The following MYLK variants were observed in gnomAD, a reference collection of about 807,000 sequenced individuals.
MYLK encodes the protein myosin light chain kinase, smooth muscle.
In MYLK, 106 loss-of-function variants were observed where a neutral mutation model predicts 203.4. The ratio of observed to expected loss-of-function variants is 0.52; its 90% CI spans 0.45 to 0.61. The LOEUF is 0.61. Ranked by LOEUF, MYLK falls within the 20% of genes least tolerant of loss-of-function variation. MYLK has a pLI of 0.00. For synonymous variants in MYLK, 867 were observed against 959.5 expected (o/e 0.90, Z 1.78); for missense variants, 2,072 against 2,442.3 (o/e 0.85, Z 3.20).
chr3:123,874,776 C>T (rs1476924202), intron 2 of MYLK, among the ~76,000 whole-genome samples: 2 of 152,016 alleles, frequency 1.3e-5, no homozygotes, highest in Non-Finnish European at 2.9e-5. Flanking sequence ...ATAAAGAGCT[C>T]TCAAATCTAA....
At chr3:123,685,882 G>A (rs2060434994) in intron 19 of MYLK, among the ~76,000 whole-genome samples, 1 of 152,098 alleles carries the variant, frequency 6.6e-6, no homozygotes, top group Admixed American at 6.5e-5. Context: ...TGGCCATGAG[G>A]AAAGGGGCTG....
At chr3:123,825,418 G>C (rs1031479718) in intron 3 of MYLK, among the ~76,000 whole-genome samples, 24 of 152,244 alleles carry the variant, frequency 1.6e-4, no homozygotes, top group African/African-American at 5.8e-4. Context: ...GCAAGGAAAA[G>C]ATAAGCAGAA....
intron 22 of MYLK, among the ~76,000 whole-genome samples, chr3:123,664,848 C>CA (rs1022332298): frequency 6.6e-6 from 1 of 151,864 alleles, no homozygotes. Context: ...TATGCTAAGT[C>CA]AAAAAAAGAG....
chr3:123,733,666 A>T (rs757871283), intron 10 of MYLK, 21 bp downstream of exon 10: 31 of 1,613,128 alleles, frequency 1.9e-5, no homozygotes, highest in African/African-American at 2.7e-5. Flanking sequence ...GCAATCGGTG[A>T]CCCTAATTAC....
chr3:123,680,095 C>T (rs890963561), intron 20 of MYLK, among the ~76,000 whole-genome samples: 8 of 152,214 alleles, frequency 5.3e-5, no homozygotes, highest in East Asian at 1.9e-4. Context: ...AAATGCTCCC[C>T]AGGTGAATAT....
chr3:123,799,569 C>T (rs573447942), intron 3 of MYLK, among the ~76,000 whole-genome samples: 1 of 152,196 alleles, frequency 6.6e-6, no homozygotes, highest in Admixed American at 6.5e-5. Context: ...GAGGGGCTCC[C>T]AAGCAGGCTC....
At chr3:123,754,257 CTT>C (rs2063295500) in intron 4 of MYLK, among the ~76,000 whole-genome samples, 1 of 152,174 alleles carries the variant, frequency 6.6e-6, no homozygotes, top group Non-Finnish European at 1.5e-5. Flanking sequence ...AACAATCCCT[CTT>C]TGATTATTCC....
At chr3:123,632,758 G>GAA (rs2058488581) in intron 29 of MYLK, among the ~76,000 whole-genome samples, 1 of 151,866 alleles carries the variant, frequency 6.6e-6, no homozygotes, top group African/African-American at 2.4e-5. Flanking sequence ...CCTTTTTGGG[G>GAA]AACTTTTTCT....
chr3:123,827,572 T>C (rs2066162030), intron 3 of MYLK, among the ~76,000 whole-genome samples: 1 of 149,718 alleles, frequency 6.7e-6, no homozygotes. Flanking sequence ...CCTTCAGAAA[T>C]GAAGAAGAAA....
At chr3:123,701,273 C>T (rs1560098245) in intron 17 of MYLK, among the ~76,000 whole-genome samples, 165 bp downstream of exon 17, 2 of 151,662 alleles carry the variant, frequency 1.3e-5, no homozygotes, top group African/African-American at 4.8e-5. Flanking sequence ...CCCTCCTTCC[C>T]CTGCTCTCCC....
chr3:123,672,768 A>G (rs1043839807), intron 20 of MYLK, among the ~76,000 whole-genome samples: 2 of 152,264 alleles, frequency 1.3e-5, no homozygotes, highest in African/African-American at 4.8e-5. Context: ...TCCTATCAGT[A>G]AAAACAATTT....
chr3:123,728,514 T>C (rs1462672447), intron 11 of MYLK, among the ~76,000 whole-genome samples: 1 of 151,460 alleles, frequency 6.6e-6, no homozygotes. Context: ...CTCTAAAAAG[T>C]AAAAACAATA....
chr3:123,752,991 C>T (rs1317211136), intron 4 of MYLK, among the ~76,000 whole-genome samples: 1 of 152,140 alleles, frequency 6.6e-6, no homozygotes, highest in East Asian at 1.9e-4. Flanking sequence ...CGGGCTGGGG[C>T]CTGAGATTCT....
intron 2 of MYLK, among the ~76,000 whole-genome samples, chr3:123,833,948 C>G (rs555931570): frequency 5.9e-5 from 9 of 152,308 alleles, no homozygotes; most frequent in African/African-American, 2.2e-4. Context: ...CTGAACAACA[C>G]TGGAAAATTG....
In MYLK at chr3:123,651,384, C is replaced by A. The variant is rs116311988; in HGVS notation, c.4289-2190G>T. ...ATAAACAGGGTTTTAAGAGAAGCAA[C>A]AATATTGGAGTCAATGAGTGATGGG... is the stretch of plus-strand genomic sequence containing the variant. On this transcript the variant is annotated intron_variant, in intron 24 of 33. Coordinates refer to ENST00000360304, the MANE Select transcript of MYLK (RefSeq NM_053025.4). Among the ~76,000 whole-genome samples, 812 of 152,156 alleles carry A rather than the reference C, an allele frequency of 5.3e-3. 11 individuals carry two copies. Among genetic ancestry groups the A allele is most frequent in the African/African-American group, 0.018 (729 of 41,504 alleles).
At chr3:123,737,995 C>T (rs2062736037) in intron 7 of MYLK, among the ~76,000 whole-genome samples, 1 of 152,130 alleles carries the variant, frequency 6.6e-6, no homozygotes, top group Non-Finnish European at 1.5e-5. Context: ...ATCCTCACTG[C>T]CCTGTTTAAC....
intron 5 of MYLK, among the ~76,000 whole-genome samples, chr3:123,748,028 A>G (rs1560167657): frequency 6.6e-6 from 1 of 152,066 alleles, no homozygotes; most frequent in Non-Finnish European, 1.5e-5. Context: ...AGGCTTGGTA[A>G]TTTACATGGA....
chr3:123,723,719 A>C (rs993000541), intron 12 of MYLK, among the ~76,000 whole-genome samples: 14 of 152,216 alleles, frequency 9.2e-5, no homozygotes, highest in Non-Finnish European at 1.6e-4. Context: ...TTAGCAGCCA[A>C]GGAAACCCAA....
chr3:123,676,034 A>C (rs2060063008), intron 20 of MYLK, among the ~76,000 whole-genome samples: 3 of 152,242 alleles, frequency 2.0e-5, no homozygotes, highest in African/African-American at 7.2e-5. Context: ...ATCCATTCCC[A>C]AACCCCCAGG....
Sources: gnomAD v4.1 joint callset for allele counts (sites outside exome capture counted in the v4.1 genomes callset) on GRCh38, gnomAD v4.1.1 for gene constraint, MANE v1.5 for transcripts, NCBI Gene and HGNC (gene_info 2026-07-23, HGNC 2026-07-21) for gene names.